DYNC2I2: variants seen among roughly 807,000 people sequenced by gnomAD.
DYNC2I2 encodes dynein 2 intermediate chain 2.
A neutral mutation model predicts 52.0 loss-of-function variants in DYNC2I2; 39 were observed. That is an observed-to-expected ratio of 0.75 (90% CI 0.58 to 0.98). The LOEUF is 0.98. Among genes scored for constraint, DYNC2I2 ranks in the 50% least tolerant of loss-of-function variants. The pLI is 0.00. For synonymous variants in DYNC2I2, 359 were observed against 321.1 expected (o/e 1.12, Z -1.26); for missense variants, 743 against 728.4 (o/e 1.02, Z -0.23).
chr9:128,637,029 T>C lies in DYNC2I2; in HGVS notation c.436-2A>G. ...GCCCAGGGTATACAGACAAGACACC[T>C]GCGGAGACGTCCCCAACCCTGAGTC... On this transcript the variant is annotated splice_acceptor_variant, in intron 2 of 8. Coordinates refer to ENST00000372715, the MANE Select transcript of DYNC2I2 (RefSeq NM_052844.4). LOFTEE classifies it high-confidence loss of function. The C allele has an allele frequency of 6.2e-7, 1 of 1,611,346 alleles. No homozygotes were observed. The highest frequency in any genetic ancestry group is 8.5e-7 in the Non-Finnish European group (1 of 1,178,642).
chr9:128,680,381 T>G, the DYNC2I2 span, among the ~76,000 whole-genome samples: 2 of 147,172 alleles, frequency 1.4e-5, no homozygotes, highest in African/African-American at 5.0e-5. Context: ...ATTATTATTA[T>G]TATTATATTT....
chr9:128,673,866 T>C, the DYNC2I2 span, among the ~76,000 whole-genome samples: 1 of 146,882 alleles, frequency 6.8e-6, no homozygotes, highest in Non-Finnish European at 1.5e-5. Flanking sequence ...TGGAGTGCAA[T>C]GGCTCAATCT....
intron 1 of DYNC2I2, among the ~76,000 whole-genome samples, chr9:128,647,130 A>C (rs1235149554): frequency 3.9e-5 from 6 of 152,210 alleles, no homozygotes; most frequent in Non-Finnish European, 8.8e-5. Context: ...TGTCTCAAAA[A>C]ACAAACACAC....
the DYNC2I2 span, among the ~76,000 whole-genome samples, chr9:128,678,256 T>TG: frequency 6.6e-6 from 1 of 151,320 alleles, no homozygotes; most frequent in Non-Finnish European, 1.5e-5. Context: ...TTAGTAGAGA[T>TG]GGGGTTTCTC....
At chr9:128,636,071 GC>G (rs1237877166) in intron 4 of DYNC2I2, 28 of 852,766 alleles carry the variant, frequency 3.3e-5, no homozygotes, top group African/African-American at 3.0e-4. Flanking sequence ...CCCTGTCCTG[GC>G]CCCGACCCTG....
the DYNC2I2 span, among the ~76,000 whole-genome samples, chr9:128,674,636 G>A: frequency 6.6e-6 from 1 of 152,236 alleles, no homozygotes; most frequent in South Asian, 2.1e-4. Flanking sequence ...TCAGCTACTT[G>A]GGAGGCTGAG....
At position 128,634,240 on chromosome 9, in the gene DYNC2I2, G is replaced by C. The variant is rs768001508; in HGVS notation, c.1358C>G (p.Ala453Gly). 1.2e-6 allele frequency: 2 copies of C among 1,613,668 alleles called. No individual in the cohort carries two copies. Among genetic ancestry groups the C allele is most frequent in the Admixed American group, 3.3e-5 (2 of 60,008 alleles). ...WSPVRPLVFA[A>G]ASGKGDVQLF... ...CCCCTTCCTACCTTTCCCAGAGGCAGCTGCAAAAACCAAGGGCCGCACTGG... is the reference window on the plus strand; with the variant it reads ...CCCCTTCCTACCTTTCCCAGAGGCACCTGCAAAAACCAAGGGCCGCACTGG... The change falls in exon 8 of 9, where the codon GCT (alanine) becomes GGT (glycine). Residue 453 changes from alanine to glycine, a missense_variant. Physicochemically the swap from Ala to Gly is moderately conservative, Grantham distance 60 (BLOSUM62 0). Coordinates refer to ENST00000372715, the MANE Select transcript of DYNC2I2 (RefSeq NM_052844.4).
upstream of DYNC2I2, among the ~76,000 whole-genome samples, chr9:128,658,013 A>G (rs772699842): frequency 6.6e-6 from 1 of 152,032 alleles, no homozygotes; most frequent in Non-Finnish European, 1.5e-5. Flanking sequence ...GGATCCCTGG[A>G]GTCAGGGAAA....
chr9:128,645,436 A>T (rs1860596612), intron 1 of DYNC2I2, among the ~76,000 whole-genome samples: 1 of 147,230 alleles, frequency 6.8e-6, no homozygotes, highest in Non-Finnish European at 1.5e-5. Context: ...GGGCAACAAG[A>T]GTGAAACTCT....
At chr9:128,634,423 T>C in intron 7 of DYNC2I2, 40 bp from the exon 8 acceptor site, 1 of 1,544,336 alleles carries the variant, frequency 6.5e-7, no homozygotes, top group Admixed American at 2.0e-5. Context: ...GAATCAGTGC[T>C]GGGGTCTGGG....
intron 1 of DYNC2I2, among the ~76,000 whole-genome samples, chr9:128,655,357 A>AAAAAAAAAAAAAAAAAAAAAAAC (rs1860797824): frequency 7.1e-6 from 1 of 139,912 alleles, no homozygotes; most frequent in Non-Finnish European, 1.6e-5. Context: ...AAAAAAAAAA[A>AAAAAAAAAAAAAAAAAAAAAAAC]AAAATTAGCC....
At chr9:128,664,050 C>G in the DYNC2I2 span, among the ~76,000 whole-genome samples, 1 of 151,190 alleles carries the variant, frequency 6.6e-6, no homozygotes, top group South Asian at 2.1e-4. Flanking sequence ...CTTCACCTCC[C>G]CGGTACAAGC....
At chr9:128,650,604 G>A (rs1260923460) in intron 1 of DYNC2I2, among the ~76,000 whole-genome samples, 1 of 51,254 alleles carries the variant, frequency 2.0e-5, no homozygotes, top group African/African-American at 4.1e-5. Context: ...TCTCCATGTC[G>A]GTCAGGCTGG....
At chr9:128,640,039 G>A (rs1202832926) in intron 2 of DYNC2I2, among the ~76,000 whole-genome samples, 14 of 132,188 alleles carry the variant, frequency 1.1e-4, no homozygotes, top group African/African-American at 2.1e-4. Context: ...ACAGAGTCTC[G>A]CTCTGTTGCC....
intron 1 of DYNC2I2, among the ~76,000 whole-genome samples, chr9:128,649,149 A>T (rs1860676767): frequency 6.6e-6 from 1 of 152,160 alleles, no homozygotes; most frequent in African/African-American, 2.4e-5. Flanking sequence ...CACACTTTTT[A>T]AAATGGTTAA....
At chr9:128,655,082 A>G (rs1860791036) in intron 1 of DYNC2I2, among the ~76,000 whole-genome samples, 1 of 151,610 alleles carries the variant, frequency 6.6e-6, no homozygotes, top group African/African-American at 2.4e-5. Context: ...GTCCGCACAG[A>G]CCCCTTGGGA....
chr9:128,669,322 G>A, the DYNC2I2 span, among the ~76,000 whole-genome samples: 8 of 151,928 alleles, frequency 5.3e-5, no homozygotes, highest in Non-Finnish European at 7.4e-5. Context: ...CCGAGATTGC[G>A]CCACTGCACT....
chr9:128,658,037 G>C (rs1357597024), upstream of DYNC2I2, among the ~76,000 whole-genome samples: 1 of 152,052 alleles, frequency 6.6e-6, no homozygotes, highest in Non-Finnish European at 1.5e-5. Flanking sequence ...AGGCTGCAGA[G>C]AGCCCTGATT....
chr9:128,634,923 T>C lies in DYNC2I2; in HGVS notation c.982-2A>G. The stretch of plus-strand genomic sequence containing the variant: ...CACCTCGGTCTCCCCGCGGGGATGC[T>C]GTGGAGAAATGGCAGCAGCAGGGTC... On this transcript the variant is annotated splice_acceptor_variant, in intron 6 of 8. Transcript: ENST00000372715. LOFTEE classifies it high-confidence loss of function. 5 of 1,611,572 alleles carry C rather than the reference T, an allele frequency of 3.1e-6. No homozygotes were observed. Among genetic ancestry groups the C allele is most frequent in the Non-Finnish European group, 4.2e-6 (5 of 1,179,296 alleles).
Sources: allele counts gnomAD v4.1 joint callset (sites outside exome capture counted in the v4.1 genomes callset), GRCh38; gene constraint gnomAD v4.1.1; transcripts MANE v1.5; gene names NCBI Gene and HGNC (gene_info 2026-07-23, HGNC 2026-07-21).